AGMO: variants seen among roughly 807,000 people sequenced by gnomAD.
AGMO encodes glyceryl-ether monooxygenase.
A neutral mutation model predicts 60.2 loss-of-function variants in AGMO; 75 were observed. That is an observed-to-expected ratio of 1.25 (90% CI 1.03 to 1.51). AGMO has a LOEUF of 1.51. Ranked by LOEUF, AGMO falls within the 40% of genes most tolerant of loss-of-function variation. The pLI is 0.00. For synonymous variants in AGMO, 261 were observed against 177.1 expected (o/e 1.47, Z -3.76); for missense variants, 763 against 525.5 (o/e 1.45, Z -4.42).
chr7:15,125,010 T>C, the AGMO span, among the ~76,000 whole-genome samples: 45 of 151,814 alleles, frequency 3.0e-4, no homozygotes, highest in Non-Finnish European at 5.6e-4. Context: ...AATGTGAACA[T>C]ATAAAAAAAG....
chr7:15,524,659 T>C (rs1784077928), intron 3 of AGMO, among the ~76,000 whole-genome samples: 1 of 151,922 alleles, frequency 6.6e-6, no homozygotes, highest in Non-Finnish European at 1.5e-5. Context: ...GGTTGGGAGT[T>C]TGAGACCAGC....
chr7:15,271,754 G>A (rs1427553834), intron 12 of AGMO, among the ~76,000 whole-genome samples: 1 of 151,902 alleles, frequency 6.6e-6, no homozygotes, highest in Non-Finnish European at 1.5e-5. Context: ...TGGTTCTTAG[G>A]GAAAATGCTT....
chr7:15,134,153 T>C, the AGMO span, among the ~76,000 whole-genome samples: 3 of 152,088 alleles, frequency 2.0e-5, no homozygotes, highest in East Asian at 1.9e-4. Flanking sequence ...TAGTACCTAA[T>C]AGGTATTTTA....
intron 4 of AGMO, among the ~76,000 whole-genome samples, chr7:15,424,771 T>A (rs184029644): frequency 6.6e-6 from 1 of 152,260 alleles, no homozygotes; most frequent in African/African-American, 2.4e-5. Flanking sequence ...TGAGAAAAGT[T>A]TTGTTTCTTT....
At chr7:15,228,178 A>G (rs1782147808) in intron 12 of AGMO, among the ~76,000 whole-genome samples, 1 of 152,120 alleles carries the variant, frequency 6.6e-6, no homozygotes, top group South Asian at 2.1e-4. Context: ...ATTAAAGTCT[A>G]CACTTTTCCA....
the AGMO span, among the ~76,000 whole-genome samples, chr7:15,123,406 A>G: frequency 6.6e-6 from 1 of 152,068 alleles, no homozygotes; most frequent in African/African-American, 2.4e-5. Context: ...AATGTATCCT[A>G]AGTGCCTAGT....
At chr7:15,416,573 G>C (rs905232189) in intron 5 of AGMO, among the ~76,000 whole-genome samples, 2 of 152,096 alleles carry the variant, frequency 1.3e-5, no homozygotes, top group African/African-American at 4.8e-5. Flanking sequence ...TGATTTTTAT[G>C]GATGTTAGGA....
intron 12 of AGMO, among the ~76,000 whole-genome samples, chr7:15,303,816 G>C (rs1320497020): frequency 2.0e-5 from 3 of 152,098 alleles, no homozygotes; most frequent in African/African-American, 7.2e-5. Context: ...GTATACTCTT[G>C]TATGTTTACC....
At chr7:15,496,236 T>A (rs1783229180) in intron 3 of AGMO, among the ~76,000 whole-genome samples, 1 of 152,110 alleles carries the variant, frequency 6.6e-6, no homozygotes, top group Admixed American at 6.5e-5. Context: ...AGAAAAGCAA[T>A]TGACAAACTA....
At chr7:15,280,436 A>C (rs1269577367) in intron 12 of AGMO, among the ~76,000 whole-genome samples, 1 of 152,150 alleles carries the variant, frequency 6.6e-6, no homozygotes. Flanking sequence ...CAGGGGCCAC[A>C]GTTTGCCCTG....
chr7:15,529,629 A>AG (rs1336415401), intron 3 of AGMO, among the ~76,000 whole-genome samples: 16 of 28,170 alleles, frequency 5.7e-4, no homozygotes, highest in African/African-American at 3.0e-3. Flanking sequence ...GAATATATAT[A>AG]TAGAATATAT....
In AGMO at chr7:15,320,194, C is replaced by T. The variant is rs1489409266; in HGVS notation, c.1263+45320G>A. 3.3e-5 allele frequency among the ~76,000 whole-genome samples: 5 copies of T among 151,838 alleles called. No homozygotes were observed. The South Asian group carries it at 6.2e-4, about 19-fold the overall frequency. On this transcript the variant is annotated intron_variant, in intron 12 of 12. Transcript: ENST00000342526. ...AGTTAATGGGTGCAGCACACCACCA[C>T]GGCACACGTATACATATGTAACAAA...
In AGMO at chr7:15,377,852, A is replaced by T. The variant is rs376212512; in HGVS notation, c.1074+7594T>A. On this transcript the variant is annotated intron_variant, in intron 10 of 12. Coordinates refer to ENST00000342526, the MANE Select transcript of AGMO (RefSeq NM_001004320.2). ...CTTACTTAAACAAATATGAAGTCTA[A>T]GCATTTTGGTGGTTTGATGTTTAGG... is the stretch of plus-strand genomic sequence containing the variant. 2.6e-5 allele frequency among the ~76,000 whole-genome samples: 4 copies of T among 152,024 alleles called. No individual in the cohort carries two copies. The East Asian group carries it at 7.7e-4, about 29-fold the overall frequency.
chr7:15,450,445 T>G (rs566942364), intron 3 of AGMO, among the ~76,000 whole-genome samples: 1 of 151,992 alleles, frequency 6.6e-6, no homozygotes, highest in African/African-American at 2.4e-5. Context: ...AAAAAAAATT[T>G]GTATTTCAGT....
intron 12 of AGMO, among the ~76,000 whole-genome samples, chr7:15,205,888 G>C (rs887932521): frequency 1.3e-5 from 2 of 152,012 alleles, no homozygotes; most frequent in African/African-American, 4.8e-5. Flanking sequence ...TATCAGTGAG[G>C]TTTATAAAAT....
At chr7:15,178,622 T>C in the AGMO span, among the ~76,000 whole-genome samples, 1 of 152,134 alleles carries the variant, frequency 6.6e-6, no homozygotes, top group Non-Finnish European at 1.5e-5. Context: ...AAAATGGCTG[T>C]ATGTACTTGG....
chr7:15,162,936 C>A, the AGMO span, among the ~76,000 whole-genome samples: 8 of 152,184 alleles, frequency 5.3e-5, no homozygotes, highest in East Asian at 1.6e-3. Context: ...TATGTTGACT[C>A]TTGTAATGCA....
chr7:15,208,682 A>G (rs1004565421), intron 12 of AGMO, among the ~76,000 whole-genome samples: 3 of 152,182 alleles, frequency 2.0e-5, no homozygotes, highest in Non-Finnish European at 4.4e-5. Context: ...GAAGTATAAG[A>G]TAGTTCTGTG....
the AGMO span, among the ~76,000 whole-genome samples, chr7:15,166,224 C>T: frequency 6.6e-6 from 1 of 152,152 alleles, no homozygotes; most frequent in Non-Finnish European, 1.5e-5. Flanking sequence ...GGAGAGCAGG[C>T]TGCTCTATTA....
Sources: gnomAD v4.1 joint callset for allele counts (sites outside exome capture counted in the v4.1 genomes callset) on GRCh38, gnomAD v4.1.1 for gene constraint, MANE v1.5 for transcripts, NCBI Gene and HGNC (gene_info 2026-07-23, HGNC 2026-07-21) for gene names.